The following CTNND2 variants were observed in gnomAD, a reference collection of about 807,000 sequenced individuals.
CTNND2 encodes the protein catenin delta-2.
In CTNND2, 22 loss-of-function variants were observed where a neutral mutation model predicts 144.4. That is an observed-to-expected ratio of 0.15 (90% confidence interval 0.11 to 0.22). CTNND2 has a LOEUF of 0.22. CTNND2 is among the 10% of genes least tolerant of loss of function. The pLI, the probability that CTNND2 is intolerant of heterozygous loss-of-function variation, is 1.00. For synonymous variants in CTNND2, 751 were observed against 695.6 expected, an observed-to-expected ratio of 1.08 and a Z score of -1.25; for missense variants, 1,353 against 1,618.8, an observed-to-expected ratio of 0.84 and a Z score of 2.82.
At chr5:11,646,950 C>A (rs1208576336) in intron 2 of CTNND2, among the ~76,000 whole-genome samples, 2 of 152,212 alleles carry the variant, frequency 1.3e-5, no homozygotes, top group African/African-American at 4.8e-5. Context: ...GACATCAAAA[C>A]AGCCACACAT....
At chr5:11,682,255 T>G (rs1784449933) in intron 2 of CTNND2, among the ~76,000 whole-genome samples, 1 of 152,228 alleles carries the variant, frequency 6.6e-6, no homozygotes, top group Admixed American at 6.5e-5. Flanking sequence ...CCTGAAGCCT[T>G]GGGCATTTCT....
chr5:11,733,723 T>C (rs1294813324), intron 1 of CTNND2, among the ~76,000 whole-genome samples: 2 of 152,186 alleles, frequency 1.3e-5, no homozygotes, highest in Non-Finnish European at 2.9e-5. Context: ...GGCAAGGCCA[T>C]TTGCCATAGT....
Position 10,973,401 on chromosome 5 carries a change from C to T in CTNND2, c.*52G>A, listed in dbSNP as rs933966444. ...AAAAAAACAAAACAGAAAGAAATGTCTTGTGGTATGCATGCACATGCACTG... is the reference window on the plus strand; with the variant it reads ...AAAAAAACAAAACAGAAAGAAATGTTTTGTGGTATGCATGCACATGCACTG... On this transcript the variant is annotated 3_prime_UTR_variant, in exon 22 of 22. Coordinates refer to ENST00000304623, the MANE Select transcript of CTNND2 (RefSeq NM_001332.4). This position sits in a 1 kb window ranked among gnomAD's most constrained non-coding sequence, Gnocchi z 5.6. The T allele has an allele frequency of 1.6e-5, 24 of 1,474,866 alleles. No homozygotes were observed. The highest frequency in any genetic ancestry group is 2.2e-5 in the Non-Finnish European group (24 of 1,111,684). 91.4% of individuals were successfully genotyped at this position (1,474,866 alleles called of 1,614,324 possible).
At chr5:11,584,671 C>T (rs764638020) in intron 2 of CTNND2, among the ~76,000 whole-genome samples, 8 of 152,072 alleles carry the variant, frequency 5.3e-5, no homozygotes, top group Admixed American at 1.3e-4. Context: ...TATAGAAGCA[C>T]GTAATTTGAT....
In CTNND2 at chr5:11,129,313, A is replaced by T. The variant is rs370246841; in HGVS notation, c.2160-11746T>A. 3.0e-3 allele frequency among the ~76,000 whole-genome samples: 223 copies of T among 73,712 alleles called. 3 individuals are homozygous for T. The highest frequency in any genetic ancestry group is 4.0e-3 in the Non-Finnish European group (188 of 46,606). The allele number at this position is 73,712 out of a possible 152,430, so 48.4% of individuals were successfully genotyped here. A position where few individuals can be genotyped will look rare whatever the true frequency, so the allele number is the denominator to read the frequency against. On this transcript the variant is annotated intron_variant, in intron 12 of 21. Transcript: ENST00000304623. ...ATATATAATATATATTATATATATA[A>T]ATATATATAATATATATATATGCAT...
chr5:11,142,461 AC>A (rs1756824845), intron 12 of CTNND2, among the ~76,000 whole-genome samples: 1 of 152,202 alleles, frequency 6.6e-6, no homozygotes, highest in African/African-American at 2.4e-5. Flanking sequence ...AAGGGTGTGA[AC>A]AGTGAGAGGA....
chr5:11,289,702 T>C (rs1325261329), intron 9 of CTNND2, among the ~76,000 whole-genome samples: 1 of 152,202 alleles, frequency 6.6e-6, no homozygotes, highest in Non-Finnish European at 1.5e-5. Context: ...CTGTAACCTC[T>C]AAAAGAGAGG....
intron 9 of CTNND2, among the ~76,000 whole-genome samples, chr5:11,311,268 T>TCC (rs2150050690): frequency 3.3e-5 from 3 of 90,758 alleles, no homozygotes; most frequent in South Asian, 4.9e-4. Context: ...TCACACTCAC[T>TCC]CCATGCACCC....
At chr5:11,048,271 GCAAA>G (rs1745488094) in intron 16 of CTNND2, among the ~76,000 whole-genome samples, 1 of 152,090 alleles carries the variant, frequency 6.6e-6, no homozygotes, top group Non-Finnish European at 1.5e-5. Context: ...CCAAACCATG[GCAAA>G]CAGTCAGGTA....
chr5:11,615,848 G>GC (rs1482141090), intron 2 of CTNND2, among the ~76,000 whole-genome samples: 8 of 152,254 alleles, frequency 5.3e-5, no homozygotes, highest in Admixed American at 5.2e-4. Flanking sequence ...TGGCCAAGTG[G>GC]CTACTGAAAA....
chr5:11,593,599 A>G (rs1331745357), intron 2 of CTNND2, among the ~76,000 whole-genome samples: 1 of 152,170 alleles, frequency 6.6e-6, no homozygotes, highest in Non-Finnish European at 1.5e-5. Flanking sequence ...ATGATAGTGA[A>G]TAAGTCTCAG....
At chr5:11,424,451 A>T (rs368510903) in intron 3 of CTNND2, among the ~76,000 whole-genome samples, 6 of 148,722 alleles carry the variant, frequency 4.0e-5, no homozygotes, top group African/African-American at 1.5e-4. Flanking sequence ...GCATGGAACT[A>T]AACACGCATA....
chr5:11,890,040 T>C (rs1005940514), intron 1 of CTNND2, among the ~76,000 whole-genome samples: 3 of 152,198 alleles, frequency 2.0e-5, no homozygotes, highest in Non-Finnish European at 4.4e-5. Flanking sequence ...CATAATTATA[T>C]ATGTTGTGTA....
At chr5:11,412,469 G>C (rs6884781) in intron 3 of CTNND2, among the ~76,000 whole-genome samples, 1 of 151,906 alleles carries the variant, frequency 6.6e-6, no homozygotes, top group Non-Finnish European at 1.5e-5. Context: ...TTTTTTATTA[G>C]AGAGATGAAA....
At chr5:11,263,177 T>C (rs75371398) in intron 9 of CTNND2, among the ~76,000 whole-genome samples, 2 of 152,242 alleles carry the variant, frequency 1.3e-5, no homozygotes, top group African/African-American at 4.8e-5. Context: ...TCTTTTTCCA[T>C]TGACCCAGCA....
chr5:11,802,584 A>G (rs1031894709), intron 1 of CTNND2, among the ~76,000 whole-genome samples: 1 of 152,018 alleles, frequency 6.6e-6, no homozygotes, highest in Non-Finnish European at 1.5e-5. Context: ...AAAAAAACGA[A>G]TCTTCTAATC....
chr5:11,633,519 G>A (rs924649525), intron 2 of CTNND2, among the ~76,000 whole-genome samples: 6 of 152,016 alleles, frequency 3.9e-5, no homozygotes, highest in South Asian at 2.1e-4. Flanking sequence ...GGCTCATGCC[G>A]GTAATCCCTG....
intron 3 of CTNND2, among the ~76,000 whole-genome samples, chr5:11,421,902 G>A (rs931831699): frequency 2.0e-5 from 3 of 152,166 alleles, no homozygotes; most frequent in African/African-American, 4.8e-5. Context: ...TTCCTCATTT[G>A]TAAAATAGAG....
chr5:11,704,659 A>T (rs1330940809), intron 2 of CTNND2, among the ~76,000 whole-genome samples: 1 of 151,934 alleles, frequency 6.6e-6, no homozygotes, highest in South Asian at 2.1e-4. Context: ...CCACAATAAG[A>T]GAAATGTACT....
Sources: gnomAD v4.1 joint callset for allele counts (sites outside exome capture counted in the v4.1 genomes callset) on GRCh38, gnomAD v4.1.1 for gene constraint, Gnocchi (gnomAD v3.1) non-coding constraint, MANE v1.5 for transcripts, NCBI Gene and HGNC (gene_info 2026-07-23, HGNC 2026-07-21) for gene names.